The following MAML3 variants were observed in gnomAD, a reference collection of about 807,000 sequenced individuals.
MAML3 encodes the protein mastermind like transcriptional coactivator 3, also known as mastermind-like protein 3.
MAML3 carries 27 observed loss-of-function variants against 101.9 expected under a neutral mutation model. The observed-to-expected ratio is 0.27, with a 90% CI of 0.20 to 0.37. MAML3 has a LOEUF of 0.37. Among genes scored for constraint, MAML3 ranks in the 10% least tolerant of loss-of-function variants. The probability of loss-of-function intolerance (pLI) is 1.00; values close to 1 mark genes in which losing one functional copy is unlikely to be tolerated. For missense variants in MAML3, 1,316 were observed against 1,444.9 expected (o/e 0.91, Z 1.45); for synonymous variants, 501 against 555.9 (o/e 0.90, Z 1.39).
intron 2 of MAML3, among the ~76,000 whole-genome samples, chr4:139,832,175 G>GCTCC (rs1341940575): frequency 2.1e-5 from 3 of 143,834 alleles, no homozygotes; most frequent in African/African-American, 7.7e-5. Context: ...GGCCACCTTG[G>GCTCC]CTCCCTACAA....
intron 2 of MAML3, among the ~76,000 whole-genome samples, chr4:139,773,387 A>G (rs868580160): frequency 2.0e-5 from 3 of 152,324 alleles, no homozygotes; most frequent in Middle Eastern, 3.4e-3. Context: ...AGGTTCTTCA[A>G]CTGCAAAAGG....
At chr4:139,943,026 A>T (rs1733636203) in intron 1 of MAML3, among the ~76,000 whole-genome samples, 1 of 152,232 alleles carries the variant, frequency 6.6e-6, no homozygotes, top group South Asian at 2.1e-4. Context: ...AATTTTAAAC[A>T]AAAATGTACG....
At chr4:139,922,188 C>T (rs1388056064) in intron 1 of MAML3, among the ~76,000 whole-genome samples, 2 of 152,000 alleles carry the variant, frequency 1.3e-5, no homozygotes, top group East Asian at 3.9e-4. Context: ...CCTGTCCTCC[C>T]CCTTCTGCTC....
At chr4:140,120,154 G>T (rs1037025853) in intron 1 of MAML3, among the ~76,000 whole-genome samples, 1 of 151,338 alleles carries the variant, frequency 6.6e-6, no homozygotes, top group African/African-American at 2.4e-5. Flanking sequence ...GGAGAATGGC[G>T]TGAACCCGGG....
chr4:139,777,994 G>C (rs1730123513), intron 2 of MAML3, among the ~76,000 whole-genome samples: 2 of 152,120 alleles, frequency 1.3e-5, no homozygotes. Flanking sequence ...TTGTCATTCT[G>C]TCTCAGCTCA....
intron 1 of MAML3, among the ~76,000 whole-genome samples, chr4:140,063,102 G>A (rs772327076): frequency 3.3e-5 from 5 of 152,072 alleles, no homozygotes; most frequent in Non-Finnish European, 5.9e-5. Flanking sequence ...AGAAAACAGA[G>A]GCAATTTGCT....
At chr4:139,762,141 A>G (rs1729771312) in intron 2 of MAML3, among the ~76,000 whole-genome samples, 1 of 152,118 alleles carries the variant, frequency 6.6e-6, no homozygotes. Flanking sequence ...CCTCTAGAAA[A>G]TATTTGTGCA....
At chr4:139,992,192 T>C (rs1734692185) in intron 1 of MAML3, among the ~76,000 whole-genome samples, 1 of 152,234 alleles carries the variant, frequency 6.6e-6, no homozygotes, top group African/African-American at 2.4e-5. Flanking sequence ...TCCTTATAAC[T>C]GCTGTGAAGT....
Position 139,720,110 on chromosome 4 carries a change from C to G in MAML3, c.2630G>C (p.Gly877Ala). The G allele has an allele frequency of 6.2e-7, 1 of 1,614,070 alleles. No homozygotes were observed. The highest frequency in any genetic ancestry group is 8.5e-7 in the Non-Finnish European group (1 of 1,179,906). The change falls in exon 5 of 5, where the codon GGC becomes GCC. Residue 877 changes from glycine (G) to alanine (A), a missense_variant. By Grantham distance (60) the Gly-to-Ala change is moderately conservative. Coordinates refer to ENST00000509479, the MANE Select transcript of MAML3 (RefSeq NM_018717.5). Reference sequence around the variant, plus strand: ...TGGATGCTGCAACATTTGGGTCATGCCTGTGCTCATATTGTACATTCCTGG... The same window carrying G: ...TGGATGCTGCAACATTTGGGTCATGGCTGTGCTCATATTGTACATTCCTGG... ...SQPGMYNMST[G>A]MTQMLQHPNQ...
chr4:139,946,224 C>G (rs1468584507), intron 1 of MAML3, among the ~76,000 whole-genome samples: 1 of 152,090 alleles, frequency 6.6e-6, no homozygotes, highest in Admixed American at 6.6e-5. Context: ...TATTCAGAAG[C>G]TAAAGATAAA....
chr4:139,729,559 C>T (rs1052774351), intron 3 of MAML3, among the ~76,000 whole-genome samples: 7 of 152,168 alleles, frequency 4.6e-5, no homozygotes, highest in African/African-American at 1.7e-4. Context: ...ATATGACAAC[C>T]TCACACCTCC....
chr4:140,118,657 C>T (rs1046536487), intron 1 of MAML3, among the ~76,000 whole-genome samples: 2 of 152,048 alleles, frequency 1.3e-5, no homozygotes, highest in Non-Finnish European at 2.9e-5. Flanking sequence ...CCAGCCTGGG[C>T]AACATGGTGA....
chr4:139,757,157 A>C (rs1163393184), intron 2 of MAML3, among the ~76,000 whole-genome samples: 3 of 152,102 alleles, frequency 2.0e-5, no homozygotes, highest in Non-Finnish European at 4.4e-5. Flanking sequence ...CTATGAGAGA[A>C]TCAGGGCGTT....
intron 1 of MAML3, among the ~76,000 whole-genome samples, chr4:139,903,110 C>G (rs1304464074): frequency 1.3e-5 from 2 of 152,194 alleles, no homozygotes; most frequent in African/African-American, 4.8e-5. Context: ...CATTTCAGAA[C>G]AGGAATTTCC....
At chr4:140,118,628 T>A (rs1728553670) in intron 1 of MAML3, among the ~76,000 whole-genome samples, 1 of 152,136 alleles carries the variant, frequency 6.6e-6, no homozygotes, top group African/African-American at 2.4e-5. Flanking sequence ...GAGGACTGCT[T>A]GAGCCTAGGA....
At chr4:139,863,627 G>A (rs183558408) in intron 2 of MAML3, among the ~76,000 whole-genome samples, 4 of 152,162 alleles carry the variant, frequency 2.6e-5, no homozygotes, top group Admixed American at 6.5e-5. Context: ...GTGAGCCACC[G>A]TGCCCAGCTG....
At chr4:139,844,705 T>C (rs1731413485) in intron 2 of MAML3, among the ~76,000 whole-genome samples, 1 of 152,210 alleles carries the variant, frequency 6.6e-6, no homozygotes, top group Non-Finnish European at 1.5e-5. Flanking sequence ...CATGCTGTTG[T>C]TGACAGTGTG....
intron 2 of MAML3, among the ~76,000 whole-genome samples, chr4:139,772,336 T>C (rs1382265615): frequency 6.7e-6 from 1 of 149,168 alleles, no homozygotes; most frequent in Non-Finnish European, 1.5e-5. Flanking sequence ...TTTAAAGTTG[T>C]CTTTTTGTTT....
In MAML3 at chr4:139,864,930, T is replaced by TTTG. The variant is rs1731867201; in HGVS notation, c.2079+24426_2079+24427insCAA. On this transcript the variant is annotated intron_variant, in intron 2 of 4. Transcript: ENST00000509479. ...AATAGTAATGCAAACTTGCTTTTTT[T>TTTG]TTTTTTTTTTTTTTTTTTTTTTTGC... Among the ~76,000 whole-genome samples, 9 of 138,140 alleles carry TTTG rather than the reference T, an allele frequency of 6.5e-5. 1 individual carries two copies. The highest frequency in any genetic ancestry group is 1.1e-4 in the Non-Finnish European group (7 of 63,914). The allele number at this position is 138,140 out of a possible 152,430, so 90.6% of individuals were successfully genotyped here. A position where few individuals can be genotyped will look rare whatever the true frequency, so the allele number is the denominator to read the frequency against.
Sources: gnomAD v4.1 joint callset for allele counts (sites outside exome capture counted in the v4.1 genomes callset) on GRCh38, gnomAD v4.1.1 for gene constraint, MANE v1.5 for transcripts, NCBI Gene and HGNC (gene_info 2026-07-23, HGNC 2026-07-21) for gene names.